Variants in STX6 observed in about 807,000 individuals in gnomAD.
The protein encoded by STX6 is syntaxin 6, also known as syntaxin-6.
In STX6, 23 loss-of-function variants were observed where a neutral mutation model predicts 38.0. The observed-to-expected ratio is 0.60, with a 90% CI of 0.43 to 0.86. The LOEUF is 0.86. Ranked by LOEUF, STX6 falls within the 40% of genes least tolerant of loss-of-function variation. STX6 has a pLI of 0.00. For missense variants in STX6, 274 were observed against 312.9 expected (o/e 0.88, Z 0.94); for synonymous variants, 123 against 107.5 (o/e 1.14, Z -0.89).
Position 180,973,152 on chromosome 1 carries a change from T to C in STX6, c.*3418A>G, listed in dbSNP as rs926216684. 2.6e-5 allele frequency: 4 copies of C among 152,644 alleles called. No individual in the cohort carries two copies. Among genetic ancestry groups the C allele is most frequent in the Non-Finnish European group, 4.4e-5 (3 of 68,398 alleles). The allele number at this position is 152,644 out of a possible 1,614,324, so 9.5% of individuals were successfully genotyped here. On this transcript the variant is annotated 3_prime_UTR_variant, in exon 8 of 8. Coordinates refer to ENST00000258301, the MANE Select transcript of STX6 (RefSeq NM_005819.6). ...CAGTGAGAGGAAGACAAAGAAAAAT[T>C]AGAGGCAGTACATTCCATATTTCAG...
At chr1:181,006,129 C>T (rs1656219098) in intron 1 of STX6, among the ~76,000 whole-genome samples, 1 of 152,126 alleles carries the variant, frequency 6.6e-6, no homozygotes, top group Admixed American at 6.6e-5. Flanking sequence ...ATGGTGCGAT[C>T]TTGGCTCACT....
chr1:181,005,653 G>A (rs1656203144), intron 1 of STX6, among the ~76,000 whole-genome samples, 190 bp from the exon 2 acceptor site: 1 of 152,198 alleles, frequency 6.6e-6, no homozygotes, highest in Non-Finnish European at 1.5e-5. Flanking sequence ...GTTCTCAGCT[G>A]ATGCTTGGAA....
chr1:181,019,570 T>C (rs1656667409), intron 1 of STX6, among the ~76,000 whole-genome samples: 2 of 152,172 alleles, frequency 1.3e-5, no homozygotes, highest in Admixed American at 6.5e-5. Flanking sequence ...AGTCACTGTA[T>C]TGAGTCTGGC....
At chr1:180,981,774 C>T (rs781629617) in intron 7 of STX6, among the ~76,000 whole-genome samples, 1 of 152,190 alleles carries the variant, frequency 6.6e-6, no homozygotes, top group Admixed American at 6.5e-5. Flanking sequence ...GTTACCCCAG[C>T]AGACTTCTCA....
rs1040303194 is a variant in STX6, at chr1:180,972,932, C to T, written c.*3638G>A. On this transcript the variant is annotated 3_prime_UTR_variant, in exon 8 of 8. Coordinates refer to ENST00000258301, the MANE Select transcript of STX6 (RefSeq NM_005819.6). ...GACCACCCCCTATTAGAAGCAAAGG[C>T]CCTGGGAGGAGTAAGGCCTGTCACT... is the stretch of plus-strand genomic sequence containing the variant. The T allele has an allele frequency of 3.9e-6, 1 of 254,390 alleles. No homozygotes were observed. Among genetic ancestry groups the T allele is most frequent in the African/African-American group, 2.3e-5 (1 of 43,606 alleles). 15.8% of individuals were successfully genotyped at this position (254,390 alleles called of 1,614,324 possible).
At position 181,022,821 on chromosome 1, in the gene STX6, G is replaced by A. The variant is rs936181796; in HGVS notation, c.-148C>T. On this transcript the variant is annotated 5_prime_UTR_variant, in exon 1 of 8. Transcript: ENST00000258301. Reference sequence around the variant, plus strand: ...CAGCGGGCACGCGCACAGGCCAGGTGCACAGGACGGCCGCTGGTCCAGCAC... The same window carrying A: ...CAGCGGGCACGCGCACAGGCCAGGTACACAGGACGGCCGCTGGTCCAGCAC... The A allele has an allele frequency of 2.5e-5, 18 of 711,112 alleles. No individual in the cohort carries two copies. Among genetic ancestry groups the A allele is most frequent in the African/African-American group, 7.2e-5 (4 of 55,448 alleles). The allele number at this position is 711,112 out of a possible 1,614,324, so 44.1% of individuals were successfully genotyped here.
At chr1:181,005,660 G>A (rs377738883) in intron 1 of STX6, among the ~76,000 whole-genome samples, 197 bp from the exon 2 acceptor site, 2 of 152,274 alleles carry the variant, frequency 1.3e-5, no homozygotes, top group East Asian at 1.9e-4. Context: ...GCTGATGCTT[G>A]GAATACAATA....
At position 180,978,762 on chromosome 1, in the gene STX6, G is replaced by A. The variant is rs539010898; in HGVS notation, c.692-2116C>T. On this transcript the variant is annotated intron_variant, in intron 7 of 7. Transcript: ENST00000258301. ...ACTGGGAAGCACTAGTGAAGTTCAC[G>A]GGCCAGGGGCACAGGCTCACCAGAG... Among the ~76,000 whole-genome samples the A allele has an allele frequency of 6.6e-5, 10 of 152,240 alleles. No individual in the cohort carries two copies. The East Asian group carries it at 1.3e-3, about 21-fold the overall frequency.
rs149208818 is a variant in STX6 at position 180,990,611 on chromosome 1, C to T, written c.364-502G>A. Reference sequence around the variant, plus strand: ...AGAAGGTAAGCCATAGCCCTTCACACACAAAGGCACAAGAACCATCAATGT... The same window carrying T: ...AGAAGGTAAGCCATAGCCCTTCACATACAAAGGCACAAGAACCATCAATGT... On this transcript the variant is annotated intron_variant, in intron 4 of 7. Coordinates refer to ENST00000258301, the MANE Select transcript of STX6 (RefSeq NM_005819.6). Among the ~76,000 whole-genome samples, 7 of 152,222 alleles carry T rather than the reference C, an allele frequency of 4.6e-5. No homozygotes were observed. The East Asian group carries it at 1.2e-3, about 25-fold the overall frequency.
At chr1:180,990,219 TC>T in intron 4 of STX6, 110 bp from the exon 5 acceptor site, 1 of 1,412,658 alleles carries the variant, frequency 7.1e-7, no homozygotes, top group Non-Finnish European at 9.6e-7. Context: ...TTGTCTATTT[TC>T]CCCTGGGCAA....
At chr1:181,015,201 T>C (rs1558100365) in intron 1 of STX6, among the ~76,000 whole-genome samples, 1 of 152,166 alleles carries the variant, frequency 6.6e-6, no homozygotes, top group Non-Finnish European at 1.5e-5. Context: ...AGCTGATGAC[T>C]CCCCCACTAT....
At chr1:181,014,158 G>A (rs1000595642) in intron 1 of STX6, among the ~76,000 whole-genome samples, 1 of 152,162 alleles carries the variant, frequency 6.6e-6, no homozygotes, top group African/African-American at 2.4e-5. Flanking sequence ...AGCACTTTGG[G>A]AAGCCGAGGT....
At chr1:181,006,438 T>C (rs557289628) in intron 1 of STX6, among the ~76,000 whole-genome samples, 3 of 150,506 alleles carry the variant, frequency 2.0e-5, no homozygotes, top group Admixed American at 6.7e-5. Flanking sequence ...TTAGATTAGA[T>C]ATAGTCACAA....
chr1:180,980,551 T>C (rs1241863170), intron 7 of STX6: 2 of 119,896 alleles, frequency 1.7e-5, no homozygotes, highest in East Asian at 4.9e-4. Flanking sequence ...TGCACTTTTT[T>C]TTTTTTTTTT....
intron 1 of STX6, among the ~76,000 whole-genome samples, chr1:181,021,272 TA>T (rs1571360623): frequency 1.3e-5 from 2 of 152,320 alleles, no homozygotes; most frequent in South Asian, 4.1e-4. Flanking sequence ...ACATCTATTT[TA>T]AAAATTAACC....
chr1:181,020,110 G>A (rs1197229254), intron 1 of STX6, among the ~76,000 whole-genome samples: 1 of 152,102 alleles, frequency 6.6e-6, no homozygotes, highest in East Asian at 1.9e-4. Context: ...AGCTACTCAG[G>A]AGGCTGAGGT....
intron 4 of STX6, among the ~76,000 whole-genome samples, chr1:180,991,940 T>TTA (rs923237855): frequency 1.3e-4 from 9 of 69,088 alleles, no homozygotes; most frequent in East Asian, 8.0e-4. Context: ...ATATTTAAAT[T>TTA]TATATATATA....
At position 180,976,290 on chromosome 1, in the gene STX6, C is replaced by T. The variant is rs537825473; in HGVS notation, c.*280G>A. On this transcript the variant is annotated 3_prime_UTR_variant, in exon 8 of 8. Coordinates refer to ENST00000258301, the MANE Select transcript of STX6 (RefSeq NM_005819.6). ...CCTCAGCAAACGAGGTCCCGGAAGGCAAGGCAGCAGCTAGTTCTCCTCCGA... is the reference window on the plus strand; with the variant it reads ...CCTCAGCAAACGAGGTCCCGGAAGGTAAGGCAGCAGCTAGTTCTCCTCCGA... 3.4e-5 allele frequency: 14 copies of T among 412,200 alleles called. No individual in the cohort carries two copies. The South Asian group carries it at 3.9e-4, about 12-fold the overall frequency. 25.5% of individuals were successfully genotyped at this position (412,200 alleles called of 1,614,324 possible).
chr1:181,016,596 C>T (rs1054454249), intron 1 of STX6, among the ~76,000 whole-genome samples: 4 of 152,128 alleles, frequency 2.6e-5, no homozygotes, highest in Non-Finnish European at 4.4e-5. Flanking sequence ...ATTTTTTTCA[C>T]AGTGACTATA....
Sources: gnomAD v4.1 joint callset for allele counts (sites outside exome capture counted in the v4.1 genomes callset) on GRCh38, gnomAD v4.1.1 for gene constraint, MANE v1.5 for transcripts, NCBI Gene and HGNC (gene_info 2026-07-23, HGNC 2026-07-21) for gene names.